Variants in PRKCA observed in about 807,000 individuals in gnomAD.
PRKCA encodes protein kinase C alpha.
In PRKCA, 27 loss-of-function variants were observed where a neutral mutation model predicts 87.0. The observed-to-expected ratio is 0.31, with a 90% CI of 0.23 to 0.43. The LOEUF (loss-of-function observed/expected upper bound fraction) is 0.43. PRKCA is among the 20% of genes least tolerant of loss of function. PRKCA has a pLI of 1.00. For missense variants in PRKCA, 518 were observed against 852.3 expected (o/e 0.61, Z 4.88); for synonymous variants, 329 against 311.1 (o/e 1.06, Z -0.61).
chr17:66,592,319 C>T (rs1343533829), intron 3 of PRKCA, among the ~76,000 whole-genome samples: 1 of 125,868 alleles, frequency 7.9e-6, no homozygotes, highest in Non-Finnish European at 1.6e-5. Context: ...TGCACCACTG[C>T]ACTCCAGTCT....
intron 3 of PRKCA, among the ~76,000 whole-genome samples, chr17:66,514,361 C>A (rs924911038): frequency 6.6e-6 from 1 of 152,060 alleles, no homozygotes; most frequent in Non-Finnish European, 1.5e-5. Flanking sequence ...ATGAAACATA[C>A]CCACCCATCT....
At chr17:66,480,212 T>C (rs1430211648) in intron 2 of PRKCA, among the ~76,000 whole-genome samples, 1 of 152,154 alleles carries the variant, frequency 6.6e-6, no homozygotes, top group Admixed American at 6.5e-5. Flanking sequence ...CTTTGTCTCG[T>C]GTTTTTCCCC....
chr17:66,406,979 G>T (rs1221759808), intron 2 of PRKCA, among the ~76,000 whole-genome samples: 2 of 152,076 alleles, frequency 1.3e-5, no homozygotes, highest in African/African-American at 2.4e-5. Flanking sequence ...TTCTAAAGAG[G>T]TCTTTCCCGT....
chr17:66,787,362 G>A (rs1414644613), intron 15 of PRKCA, among the ~76,000 whole-genome samples: 2 of 152,096 alleles, frequency 1.3e-5, no homozygotes, highest in Non-Finnish European at 2.9e-5. Flanking sequence ...AAGGCCAAGA[G>A]AATGGATTGG....
chr17:66,624,053 GAA>G (rs1970771415), intron 3 of PRKCA, among the ~76,000 whole-genome samples: 1 of 152,148 alleles, frequency 6.6e-6, no homozygotes, highest in African/African-American at 2.4e-5. Context: ...CCTGTGGTGG[GAA>G]AAGAGACTGA....
chr17:66,656,830 G>A (rs551584326), intron 5 of PRKCA, among the ~76,000 whole-genome samples: 63 of 152,206 alleles, frequency 4.1e-4, no homozygotes, highest in African/African-American at 1.2e-3. Flanking sequence ...CATCTTCAAC[G>A]GTGGGTGGGT....
intron 2 of PRKCA, among the ~76,000 whole-genome samples, chr17:66,406,609 T>TTTTTTTTTTTTTTTTA: frequency 6.9e-6 from 1 of 145,580 alleles, no homozygotes; most frequent in Non-Finnish European, 1.5e-5. Flanking sequence ...TTTTTTTTTT[T>TTTTTTTTTTTTTTTTA]AAATGTCATA....
At chr17:66,541,260 C>G (rs1967976744) in intron 3 of PRKCA, among the ~76,000 whole-genome samples, 1 of 152,186 alleles carries the variant, frequency 6.6e-6, no homozygotes. Context: ...CAAGAGTTAG[C>G]TGCAGATTGT....
At chr17:66,791,302 C>T (rs555201324) in intron 16 of PRKCA, among the ~76,000 whole-genome samples, 279 of 152,166 alleles carry the variant, frequency 1.8e-3, no homozygotes, top group African/African-American at 6.4e-3. Flanking sequence ...CAAAAGGCCC[C>T]GCTTGGTAAA....
chr17:66,735,564 G>T lies in PRKCA; in HGVS notation c.1132G>T (p.Asp378Tyr). 1 of 1,614,180 alleles carries T rather than the reference G, an allele frequency of 6.2e-7. No homozygotes were observed. Among genetic ancestry groups the T allele is most frequent in the Non-Finnish European group, 8.5e-7 (1 of 1,180,036 alleles). ...CCTGAAGAAGGATGTGGTGATTCAG[G>T]ATGATGACGTGGAGTGCACCATGGT... ...KILKKDVVIQ[D>Y]DDVECTMVEK... Residue 378 changes from aspartate to tyrosine, a missense_variant, in exon 10 of 17, where the codon GAT (aspartate) becomes TAT (tyrosine). Asp to Tyr is a radical substitution (Grantham distance 160). Around this residue, in one of 5 missense-constraint regions of PRKCA, gnomAD observed 300 missense variants for 496.8 expected, o/e 0.60. Transcript: ENST00000413366.
rs1241235636 is a variant in PRKCA at position 66,510,093 on chromosome 17, G to A, written c.288+13810G>A. On this transcript the variant is annotated intron_variant, in intron 3 of 16. Coordinates refer to ENST00000413366, the MANE Select transcript of PRKCA (RefSeq NM_002737.3). Reference sequence around the variant, plus strand: ...ATCTCTAGTGATAAGCAGAAAAGAGGGATGAGGAAGGGGCTTTACTGGCCC... The same window carrying A: ...ATCTCTAGTGATAAGCAGAAAAGAGAGATGAGGAAGGGGCTTTACTGGCCC... Among the ~76,000 whole-genome samples, 5 of 152,082 alleles carry A rather than the reference G, an allele frequency of 3.3e-5. No individual in the cohort carries two copies. The East Asian group carries it at 9.6e-4, about 29-fold the overall frequency.
intron 2 of PRKCA, among the ~76,000 whole-genome samples, chr17:66,437,126 GA>G (rs1913437491): frequency 6.6e-6 from 1 of 152,168 alleles, no homozygotes; most frequent in African/African-American, 2.4e-5. Flanking sequence ...CAAGAAATTA[GA>G]AATACAAATG....
intron 4 of PRKCA, among the ~76,000 whole-genome samples, chr17:66,642,100 A>G (rs1018313291): frequency 6.6e-6 from 1 of 152,082 alleles, no homozygotes; most frequent in Non-Finnish European, 1.5e-5. Flanking sequence ...CCAGGAGGAA[A>G]GAAAAGCAAC....
At chr17:66,469,925 C>T (rs183975684) in intron 2 of PRKCA, among the ~76,000 whole-genome samples, 2 of 152,014 alleles carry the variant, frequency 1.3e-5, no homozygotes, top group Non-Finnish European at 2.9e-5. Flanking sequence ...TAGAGCACTG[C>T]GAAGGAAACA....
chr17:66,344,773 T>C (rs529187726), intron 2 of PRKCA, among the ~76,000 whole-genome samples: 6 of 152,190 alleles, frequency 3.9e-5, no homozygotes, highest in Admixed American at 6.5e-5. Context: ...TACTCTACTT[T>C]TATTTATTTT....
intron 2 of PRKCA, among the ~76,000 whole-genome samples, chr17:66,339,398 C>T (rs943938165): frequency 2.6e-5 from 4 of 152,110 alleles, no homozygotes; most frequent in African/African-American, 9.7e-5. Context: ...ATTTCTTACG[C>T]TTCCACTTGG....
chr17:66,498,754 G>A (rs1445853764), intron 3 of PRKCA, among the ~76,000 whole-genome samples: 1 of 152,262 alleles, frequency 6.6e-6, no homozygotes, highest in Non-Finnish European at 1.5e-5. Flanking sequence ...AAGGGTGTGT[G>A]TGTGCGTGCG....
chr17:66,562,082 TATAA>T, intron 3 of PRKCA, among the ~76,000 whole-genome samples: 1 of 113,838 alleles, frequency 8.8e-6, no homozygotes, highest in South Asian at 2.7e-4. Context: ...AAATTATATA[TATAA>T]TTAAATATAT....
At chr17:66,516,510 G>A (rs1212890884) in intron 3 of PRKCA, among the ~76,000 whole-genome samples, 1 of 152,058 alleles carries the variant, frequency 6.6e-6, no homozygotes, top group Admixed American at 6.6e-5. Flanking sequence ...GTGGGTGCCT[G>A]TAATCCCAGC....
Sources: allele counts gnomAD v4.1 joint callset (sites outside exome capture counted in the v4.1 genomes callset), GRCh38; gene constraint gnomAD v4.1.1; regional missense constraint gnomAD v4.1.1; transcripts MANE v1.5; gene names NCBI Gene and HGNC (gene_info 2026-07-23, HGNC 2026-07-21).